The following CREB5 variants were observed in gnomAD, a reference collection of about 807,000 sequenced individuals.
CREB5 encodes the protein cAMP responsive element binding protein 5, also known as cyclic AMP-responsive element-binding protein 5.
A neutral mutation model predicts 57.1 loss-of-function variants in CREB5; 19 were observed. The observed-to-expected ratio is 0.33, with a 90% CI of 0.23 to 0.49. The LOEUF (loss-of-function observed/expected upper bound fraction) is 0.49. Among genes scored for constraint, CREB5 ranks in the 20% least tolerant of loss-of-function variants. The pLI is 0.99. For synonymous variants in CREB5, 238 were observed against 238.3 expected, an observed-to-expected ratio of 1.00 and a Z score of 0.01; for missense variants, 579 against 671.6, an observed-to-expected ratio of 0.86 and a Z score of 1.52.
At chr7:28,564,918 TATAAC>T (rs201798768) in intron 4 of CREB5, among the ~76,000 whole-genome samples, 1,691 of 152,264 alleles carry the variant, frequency 0.011, 24 homozygotes, top group African/African-American at 0.039. Context: ...TCTCATAAAA[TATAAC>T]ATAGGAAGAG....
At chr7:28,668,684 T>C (rs533580302) in intron 5 of CREB5, among the ~76,000 whole-genome samples, 7 of 152,236 alleles carry the variant, frequency 4.6e-5, no homozygotes, top group Non-Finnish European at 1.0e-4. Context: ...TTTTATTACA[T>C]TGAAAGCAAC....
chr7:28,401,133 T>A (rs1295699568), intron 1 of CREB5, among the ~76,000 whole-genome samples: 1 of 152,228 alleles, frequency 6.6e-6, no homozygotes, highest in African/African-American at 2.4e-5. Context: ...TAGTTTTTCC[T>A]TTAATCGAGT....
rs79113344 is a variant in CREB5, at chr7:28,561,025, C to CGTGTGT, written c.292-9326_292-9321dup. On this transcript the variant is annotated intron_variant, in intron 4 of 10. Transcript: ENST00000357727. ...GTGTGCGTGTGTGTGTGCGTGTGTG[C>CGTGTGT]GTGTGTGTGTGTGTGTGTGAAGGTA... 2.1e-3 allele frequency among the ~76,000 whole-genome samples: 105 copies of CGTGTGT among 49,708 alleles called. 5 individuals are homozygous for CGTGTGT. Among genetic ancestry groups the CGTGTGT allele is most frequent in the East Asian group, 0.019 (12 of 638 alleles). 32.6% of individuals were successfully genotyped at this position (49,708 alleles called of 152,430 possible).
chr7:28,600,331 C>T (rs1177589673), intron 5 of CREB5, among the ~76,000 whole-genome samples: 1 of 151,958 alleles, frequency 6.6e-6, no homozygotes, highest in East Asian at 1.9e-4. Flanking sequence ...TCCAGCTAAA[C>T]TCGCAGGCGC....
At chr7:28,483,427 A>G (rs1179524959) in intron 1 of CREB5, among the ~76,000 whole-genome samples, 2 of 152,160 alleles carry the variant, frequency 1.3e-5, no homozygotes, top group East Asian at 3.8e-4. Flanking sequence ...ACCTCAACTC[A>G]CTTTATGTGC....
chr7:28,580,537 C>T (rs891909043), intron 5 of CREB5, among the ~76,000 whole-genome samples: 5 of 129,476 alleles, frequency 3.9e-5, no homozygotes, highest in African/African-American at 1.2e-4. Flanking sequence ...GTGAGTTTGT[C>T]GAAATCTCAT....
chr7:28,713,192 A>T (rs1802494500), intron 5 of CREB5, among the ~76,000 whole-genome samples: 1 of 152,070 alleles, frequency 6.6e-6, no homozygotes, highest in African/African-American at 2.4e-5. Context: ...AGCTGGGACT[A>T]TGCCTGGCTA....
At chr7:28,617,631 C>T (rs185136301) in intron 5 of CREB5, among the ~76,000 whole-genome samples, 1 of 152,282 alleles carries the variant, frequency 6.6e-6, no homozygotes, top group Non-Finnish European at 1.5e-5. Flanking sequence ...CAGTTTCACC[C>T]AGTTCTTATT....
At chr7:28,370,080 C>T (rs1170551479) in intron 1 of CREB5, among the ~76,000 whole-genome samples, 1 of 152,084 alleles carries the variant, frequency 6.6e-6, no homozygotes, top group African/African-American at 2.4e-5. Context: ...AATGTCTTTG[C>T]ATTAGTTTAA....
chr7:28,595,112 C>A (rs1325398808), intron 5 of CREB5, among the ~76,000 whole-genome samples: 1 of 152,172 alleles, frequency 6.6e-6, no homozygotes, highest in Non-Finnish European at 1.5e-5. Context: ...ACAAGACCTT[C>A]ACTTCTTAAA....
At chr7:28,324,072 C>A (rs962105792) in intron 1 of CREB5, among the ~76,000 whole-genome samples, 1 of 152,140 alleles carries the variant, frequency 6.6e-6, no homozygotes, top group African/African-American at 2.4e-5. Flanking sequence ...CACAGAGAAG[C>A]TTTGGTCACT....
chr7:28,459,901 C>T (rs1370232215), intron 1 of CREB5, among the ~76,000 whole-genome samples: 1 of 152,130 alleles, frequency 6.6e-6, no homozygotes, highest in Non-Finnish European at 1.5e-5. Flanking sequence ...GCATCATTAT[C>T]CCCATTTTAT....
intron 2 of CREB5, among the ~76,000 whole-genome samples, chr7:28,492,806 A>C (rs1235172336): frequency 6.6e-6 from 1 of 150,806 alleles, no homozygotes; most frequent in East Asian, 1.9e-4. Flanking sequence ...ATACGCATAT[A>C]AAACAAAAAT....
rs555852177 is a variant in CREB5, at chr7:28,369,644, CT to C, written c.-25+70207del. 5.6e-3 allele frequency among the ~76,000 whole-genome samples: 859 copies of C among 152,236 alleles called. 5 individuals carry two copies. The highest frequency in any genetic ancestry group is 8.9e-3 in the Non-Finnish European group (603 of 68,018). ...ACCCCATCCGATTCCCCTGAGATTCCTTTTACTGCTTTGTCCAATGGCCAGT... is the reference window on the plus strand; with the variant it reads ...ACCCCATCCGATTCCCCTGAGATTCCTTTACTGCTTTGTCCAATGGCCAGT... On this transcript the variant is annotated intron_variant, in intron 1 of 9. Coordinates refer to the CREB5 transcript ENST00000396299.
chr7:28,631,803 ATCT>A (rs1412483066), intron 5 of CREB5, among the ~76,000 whole-genome samples: 3 of 152,170 alleles, frequency 2.0e-5, no homozygotes, highest in Non-Finnish European at 4.4e-5. Flanking sequence ...GAAATGAAAG[ATCT>A]TGGCCTTGGG....
At chr7:28,750,909 G>A (rs1441022431) in intron 7 of CREB5, among the ~76,000 whole-genome samples, 3 of 152,086 alleles carry the variant, frequency 2.0e-5, no homozygotes, top group Admixed American at 1.3e-4. Context: ...CTTCAGAACT[G>A]TACTAAACAT....
intron 1 of CREB5, among the ~76,000 whole-genome samples, chr7:28,359,414 C>T (rs754266319): frequency 2.0e-5 from 3 of 152,062 alleles, no homozygotes; most frequent in Admixed American, 1.3e-4. Flanking sequence ...TTTGTAAATC[C>T]GTGCATTTAC....
chr7:28,340,148 A>C (rs1206508591), intron 1 of CREB5, among the ~76,000 whole-genome samples: 2 of 152,104 alleles, frequency 1.3e-5, no homozygotes, highest in African/African-American at 4.8e-5. Context: ...CCAAACTCGT[A>C]CCTAAGGTGC....
intron 7 of CREB5, among the ~76,000 whole-genome samples, chr7:28,766,252 G>T (rs724629): frequency 0.27 from 40,605 of 151,908 alleles, 6,054 homozygotes; most frequent in Non-Finnish European, 0.34. Context: ...AAAACAGTCT[G>T]TCATCTTTCC....
Sources: gnomAD v4.1 joint callset for allele counts (sites outside exome capture counted in the v4.1 genomes callset) on GRCh38, gnomAD v4.1.1 for gene constraint, MANE v1.5 for transcripts, NCBI Gene and HGNC (gene_info 2026-07-23, HGNC 2026-07-21) for gene names.